The following BIRC6 variants were observed in gnomAD, a reference collection of about 807,000 sequenced individuals.
The protein encoded by BIRC6 is baculoviral IAP repeat containing 6.
Under a neutral mutation model 503.3 loss-of-function variants are expected in BIRC6, and 98 were observed. That is an observed-to-expected ratio of 0.19 (90% CI 0.17 to 0.23). The LOEUF (loss-of-function observed/expected upper bound fraction) is 0.23. BIRC6 is among the 10% of genes least tolerant of loss of function. The pLI, the probability that BIRC6 is intolerant of heterozygous loss-of-function variation, is 1.00. For missense variants in BIRC6, 5,360 were observed against 5,806.0 expected, an observed-to-expected ratio of 0.92 and a Z score of 2.50; for synonymous variants, 2,240 against 2,078.7, an observed-to-expected ratio of 1.08 and a Z score of -2.11.
intron 3 of BIRC6, among the ~76,000 whole-genome samples, chr2:32,384,196 A>G (rs915881969): frequency 7.2e-5 from 11 of 152,194 alleles, no homozygotes; most frequent in African/African-American, 2.7e-4. Flanking sequence ...ATGCCCAGAG[A>G]AACTGTATCA....
intron 45 of BIRC6, among the ~76,000 whole-genome samples, chr2:32,499,060 C>T (rs554634162): frequency 6.6e-6 from 1 of 152,286 alleles, no homozygotes; most frequent in South Asian, 2.1e-4. Flanking sequence ...TGCTGTTAGA[C>T]TTTTCAGCAT....
At chr2:32,358,047 G>T (rs1465750743) in intron 1 of BIRC6, among the ~76,000 whole-genome samples, 1 of 138,630 alleles carries the variant, frequency 7.2e-6, no homozygotes, top group Non-Finnish European at 1.6e-5. Context: ...GTGGGGTGGG[G>T]GTGGGGTGGG....
intron 21 of BIRC6, among the ~76,000 whole-genome samples, chr2:32,447,451 C>T (rs1447740565): frequency 5.8e-5 from 8 of 138,108 alleles, no homozygotes; most frequent in South Asian, 2.3e-4. Context: ...ACCTCCCTCC[C>T]GGACTGGGCG....
Position 32,471,023 on chromosome 2 carries a change from A to G in BIRC6, c.6491A>G (p.Asp2164Gly). 1 of 1,569,980 alleles carries G rather than the reference A, an allele frequency of 6.4e-7. No individual in the cohort carries two copies. Among genetic ancestry groups the G allele is most frequent in the Middle Eastern group, 1.7e-4 (1 of 6,012 alleles). ...PMHRRTEGVL[D>G]IPMISWVVML... is the part of the protein sequence containing the mutation. ...TGTCATCTCTCTCCAGGAGTACTAG[A>G]TATTCCCATGATCAGTTGGGTTGTT... Residue 2164 changes from aspartate to glycine, a missense_variant, in exon 32 of 74, where the codon GAT (aspartate) becomes GGT (glycine). Coordinates refer to ENST00000421745, the MANE Select transcript of BIRC6 (RefSeq NM_016252.4).
intron 10 of BIRC6, among the ~76,000 whole-genome samples, chr2:32,420,135 G>A (rs1283155135): frequency 2.0e-5 from 3 of 152,054 alleles, no homozygotes; most frequent in Admixed American, 2.0e-4. Flanking sequence ...CGTTCATCAG[G>A]GATATTATAT....
intron 71 of BIRC6, among the ~76,000 whole-genome samples, chr2:32,605,525 A>C (rs562056788): frequency 1.8e-4 from 27 of 152,338 alleles, no homozygotes; most frequent in Admixed American, 1.5e-3. Context: ...GAGGACAGTA[A>C]CTAATAACTA....
intron 22 of BIRC6, among the ~76,000 whole-genome samples, chr2:32,449,755 C>T (rs762157210): frequency 2.0e-5 from 3 of 152,210 alleles, no homozygotes; most frequent in South Asian, 2.1e-4. Context: ...TTTCCACCCT[C>T]TTAGGTTACT....
intron 44 of BIRC6, among the ~76,000 whole-genome samples, chr2:32,493,299 A>G (rs1273875932): frequency 6.6e-6 from 1 of 152,080 alleles, no homozygotes; most frequent in Non-Finnish European, 1.5e-5. Flanking sequence ...AATAAACCTA[A>G]TATAGTTGTG....
chr2:32,532,008 T>C (rs951924730), intron 61 of BIRC6: 1 of 447,366 alleles, frequency 2.2e-6, no homozygotes, highest in Non-Finnish European at 4.4e-6. Context: ...TTTACGAAGC[T>C]GTCAATGTCT....
intron 3 of BIRC6, among the ~76,000 whole-genome samples, chr2:32,388,207 C>T (rs1421381164): frequency 5.3e-5 from 8 of 151,660 alleles, no homozygotes; most frequent in South Asian, 2.1e-4. Context: ...GATGAAACCC[C>T]GTCTGTACTA....
chr2:32,573,404 C>T (rs1047308293), intron 65 of BIRC6, among the ~76,000 whole-genome samples: 3 of 152,102 alleles, frequency 2.0e-5, no homozygotes, highest in African/African-American at 7.2e-5. Context: ...CCATGTTGGC[C>T]AGGCTGGTCT....
chr2:32,377,213 ATGTGTG>A (rs59912267), intron 1 of BIRC6, among the ~76,000 whole-genome samples: 1,931 of 144,254 alleles, frequency 0.013, 17 homozygotes, highest in Middle Eastern at 0.024. Context: ...CTTAATATAT[ATGTGTG>A]TGTGTGTGTG....
chr2:32,601,935 C>T (rs1479413933), intron 70 of BIRC6, among the ~76,000 whole-genome samples: 6 of 152,082 alleles, frequency 3.9e-5, no homozygotes, highest in Non-Finnish European at 1.5e-5. Context: ...AATGTAGAGG[C>T]AGATAATTAA....
At chr2:32,429,571 A>T (rs916163855) in intron 11 of BIRC6, among the ~76,000 whole-genome samples, 1 of 60,678 alleles carries the variant, frequency 1.6e-5, no homozygotes, top group Non-Finnish European at 3.2e-5. Flanking sequence ...TAATATTACT[A>T]CTGGAATTGA....
intron 3 of BIRC6, among the ~76,000 whole-genome samples, chr2:32,380,694 C>CTACA (rs2037504192): frequency 1.3e-5 from 2 of 152,116 alleles, no homozygotes; most frequent in Admixed American, 6.5e-5. Flanking sequence ...CGCCACTGCA[C>CTACA]TACAGCCTGG....
At chr2:32,378,131 A>G (rs2037093505) in intron 2 of BIRC6, among the ~76,000 whole-genome samples, 1 of 152,138 alleles carries the variant, frequency 6.6e-6, no homozygotes, top group African/African-American at 2.4e-5. Flanking sequence ...AGTTTAAGAC[A>G]GCTGCTCTAG....
chr2:32,392,605 T>G (rs570987759), intron 5 of BIRC6, among the ~76,000 whole-genome samples: 1 of 152,142 alleles, frequency 6.6e-6, no homozygotes, highest in Non-Finnish European at 1.5e-5. Context: ...TAGATACAAC[T>G]TTTTTAAAAA....
chr2:32,600,379 T>G (rs1357845629), intron 70 of BIRC6, among the ~76,000 whole-genome samples: 1 of 152,224 alleles, frequency 6.6e-6, no homozygotes, highest in African/African-American at 2.4e-5. Context: ...AATTCTGTGC[T>G]GAGTATTCAA....
In BIRC6 at chr2:32,380,185, G is replaced by T; in HGVS notation, c.540G>T (p.Lys180Asn). The change falls in exon 3 of 74, where the codon AAG becomes AAT. Residue 180 changes from lysine (K) to asparagine (N), a missense_variant. Coordinates refer to ENST00000421745, the MANE Select transcript of BIRC6 (RefSeq NM_016252.4). The stretch of plus-strand genomic sequence containing the variant: ...AGCTCTTATCAGCATGTTTAGAAAA[G>T]GTAGATATTTCTAGTACAGAGGGTT... ...AQQLLSACLE[K>N]VDISSTEGYD... The T allele has an allele frequency of 1.3e-6, 2 of 1,577,124 alleles. No homozygotes were observed. Among genetic ancestry groups the T allele is most frequent in the East Asian group, 2.3e-5 (1 of 43,922 alleles).
Sources: gnomAD v4.1 joint callset for allele counts (sites outside exome capture counted in the v4.1 genomes callset) on GRCh38, gnomAD v4.1.1 for gene constraint, MANE v1.5 for transcripts, NCBI Gene and HGNC (gene_info 2026-07-23, HGNC 2026-07-21) for gene names.